The following CSMD1 variants were observed in gnomAD, a reference collection of about 807,000 sequenced individuals.
CSMD1 encodes CUB and Sushi multiple domains 1, also known as CUB and sushi domain-containing protein 1.
In CSMD1, 213 loss-of-function variants were observed where a neutral mutation model predicts 417.5. The observed-to-expected ratio is 0.51, with a 90% confidence interval of 0.46 to 0.57. CSMD1 has a LOEUF of 0.57. Ranked by LOEUF, CSMD1 falls within the 20% of genes least tolerant of loss-of-function variation. The pLI is 0.00. For synonymous variants in CSMD1, 2,862 were observed against 1,736.8 expected, an observed-to-expected ratio of 1.65 and a Z score of -16.11; for missense variants, 6,923 against 4,529.7, an observed-to-expected ratio of 1.53 and a Z score of -15.17.
chr8:3,871,529 G>C (rs375660840), intron 5 of CSMD1, among the ~76,000 whole-genome samples: 3 of 152,110 alleles, frequency 2.0e-5, no homozygotes, highest in East Asian at 3.9e-4. Flanking sequence ...AATAATGCTT[G>C]ATTTTAATTT....
Position 2,957,889 on chromosome 8 carries a change from C to T in CSMD1, c.9703-82G>A, listed in dbSNP as rs1803133484. On this transcript the variant is annotated intron_variant, in intron 62 of 69. Coordinates refer to ENST00000635120, the MANE Select transcript of CSMD1 (RefSeq NM_033225.6). ...CTAGTGATACCTGAAAGTACACGCCCGAGTAAAAGTACAGCAGCAACTTTT... is the reference window on the plus strand; with the variant it reads ...CTAGTGATACCTGAAAGTACACGCCTGAGTAAAAGTACAGCAGCAACTTTT... The T allele has an allele frequency of 6.4e-6, 6 of 934,198 alleles. 1 individual carries two copies. The highest frequency in any genetic ancestry group is 4.4e-5 in the South Asian group (3 of 68,202). 57.9% of individuals were successfully genotyped at this position (934,198 alleles called of 1,614,324 possible).
chr8:4,112,476 C>T lies in CSMD1; in HGVS notation c.416-80377G>A, dbSNP rs184846341. On this transcript the variant is annotated intron_variant, in intron 3 of 69. Coordinates refer to ENST00000635120, the MANE Select transcript of CSMD1 (RefSeq NM_033225.6). ...CATTCTCCCCTGGTTCTTCCACCCTCCTGCCAATGGAGTGACCCATCCTGA... is the reference window on the plus strand; with the variant it reads ...CATTCTCCCCTGGTTCTTCCACCCTTCTGCCAATGGAGTGACCCATCCTGA... 1.9e-3 allele frequency among the ~76,000 whole-genome samples: 285 copies of T among 152,302 alleles called. 1 individual carries two copies. Among genetic ancestry groups the T allele is most frequent in the African/African-American group, 6.6e-3 (273 of 41,552 alleles).
intron 5 of CSMD1, among the ~76,000 whole-genome samples, chr8:3,776,342 A>C (rs2129061109): frequency 6.6e-6 from 1 of 152,014 alleles, no homozygotes; most frequent in Non-Finnish European, 1.5e-5. Flanking sequence ...TTGAAGCGAC[A>C]CTCTCCAGGG....
intron 2 of CSMD1, among the ~76,000 whole-genome samples, chr8:4,519,834 C>G (rs1803338938): frequency 7.2e-6 from 1 of 139,264 alleles, no homozygotes; most frequent in Non-Finnish European, 1.5e-5. Flanking sequence ...TATGGCTGAG[C>G]TAGATCTTAT....
chr8:4,329,749 T>C (rs528352465), intron 3 of CSMD1, among the ~76,000 whole-genome samples: 1 of 152,226 alleles, frequency 6.6e-6, no homozygotes, highest in Non-Finnish European at 1.5e-5. Flanking sequence ...AGCAGATTCC[T>C]CAAGAATGGC....
chr8:4,351,117 G>A lies in CSMD1; in HGVS notation c.415+68836C>T, dbSNP rs577549859. 5.9e-5 allele frequency among the ~76,000 whole-genome samples: 9 copies of A among 151,500 alleles called. No homozygotes were observed. The South Asian group carries it at 6.3e-4, about 11-fold the overall frequency. ...GAGGATCGCCTGAGCCCAGGGGTTC[G>A]AGACCAGTCCGGGCAACATAGCAAG... On this transcript the variant is annotated intron_variant, in intron 3 of 69. Transcript: ENST00000635120.
rs539476079 is a variant in CSMD1, at chr8:4,416,461, A to G, written c.415+3492T>C. Among the ~76,000 whole-genome samples the G allele has an allele frequency of 1.5e-4, 22 of 151,234 alleles. No homozygotes were observed. The East Asian group carries it at 4.2e-3, about 29-fold the overall frequency. On this transcript the variant is annotated intron_variant, in intron 3 of 69. Coordinates refer to ENST00000635120, the MANE Select transcript of CSMD1 (RefSeq NM_033225.6). The stretch of plus-strand genomic sequence containing the variant: ...AAACATTTGAAATTATATTCATAAT[A>G]AACACGTGCATTAAAATTGATATTT...
Position 3,327,674 on chromosome 8 carries a change from C to G in CSMD1, c.3631+15620G>C, listed in dbSNP as rs80300827. On this transcript the variant is annotated intron_variant, in intron 23 of 69. Transcript: ENST00000635120. Reference sequence around the variant, plus strand: ...ACCACTCATTTTGGGGGAATAGAACCGAAGAAATGAGCACATACAGATTAC... The same window carrying G: ...ACCACTCATTTTGGGGGAATAGAACGGAAGAAATGAGCACATACAGATTAC... Among the ~76,000 whole-genome samples the G allele has an allele frequency of 5.5e-3, 837 of 152,002 alleles. 8 individuals are homozygous for G. Among genetic ancestry groups the G allele is most frequent in the Non-Finnish European group, 9.6e-3 (653 of 67,976 alleles).
intron 19 of CSMD1, 32 bp downstream of exon 19, chr8:3,369,222 C>G (rs1043296396): frequency 9.6e-7 from 1 of 1,043,060 alleles, no homozygotes; most frequent in African/African-American, 1.6e-5. Context: ...ATTTATTAGT[C>G]TGTATGTTTG....
chr8:3,808,248 G>A (rs564797681), intron 5 of CSMD1, among the ~76,000 whole-genome samples: 2 of 152,126 alleles, frequency 1.3e-5, no homozygotes, highest in Non-Finnish European at 2.9e-5. Context: ...AATTCACTAA[G>A]TAGTCACATT....
intron 3 of CSMD1, among the ~76,000 whole-genome samples, chr8:4,032,362 A>C (rs913048665): frequency 7.2e-5 from 11 of 152,336 alleles, no homozygotes; most frequent in African/African-American, 2.2e-4. Flanking sequence ...GCTTTTATTC[A>C]GTGTTCCAGA....
intron 6 of CSMD1, among the ~76,000 whole-genome samples, chr8:3,749,264 T>C (rs929744859): frequency 6.6e-6 from 1 of 152,216 alleles, no homozygotes; most frequent in Non-Finnish European, 1.5e-5. Context: ...GCATAAATCT[T>C]ACATTCAACC....
At chr8:4,725,252 C>T (rs1809350211) in intron 1 of CSMD1, among the ~76,000 whole-genome samples, 1 of 152,076 alleles carries the variant, frequency 6.6e-6, no homozygotes, top group Admixed American at 6.6e-5. Flanking sequence ...AGCAAAGTAT[C>T]GAACTTCATT....
intron 18 of CSMD1, among the ~76,000 whole-genome samples, chr8:3,381,286 C>G (rs1810612180): frequency 6.6e-6 from 1 of 151,870 alleles, no homozygotes; most frequent in Non-Finnish European, 1.5e-5. Context: ...AAAAAGAGAG[C>G]AGCTTACACA....
At chr8:4,326,149 A>G (rs1181114800) in intron 3 of CSMD1, among the ~76,000 whole-genome samples, 2 of 152,112 alleles carry the variant, frequency 1.3e-5, no homozygotes, top group Non-Finnish European at 2.9e-5. Flanking sequence ...TTCAGTTTAG[A>G]GTTGTGCCAG....
chr8:4,263,498 C>T (rs1277672626), intron 3 of CSMD1, among the ~76,000 whole-genome samples: 2 of 152,214 alleles, frequency 1.3e-5, no homozygotes, highest in Non-Finnish European at 2.9e-5. Flanking sequence ...GAAGCTCTGT[C>T]TGTGGCAGTT....
At chr8:4,788,258 T>C (rs1252619089) in intron 1 of CSMD1, 46 of 1,585,650 alleles carry the variant, frequency 2.9e-5, no homozygotes, top group Non-Finnish European at 3.9e-5. Flanking sequence ...AAGCTGAGTA[T>C]GAAAGGGATG....
intron 3 of CSMD1, among the ~76,000 whole-genome samples, chr8:4,368,926 A>G (rs1249566604): frequency 6.6e-6 from 1 of 151,964 alleles, no homozygotes; most frequent in Non-Finnish European, 1.5e-5. Flanking sequence ...TTGATCTCTT[A>G]TATGGATTTT....
At position 3,073,203 on chromosome 8, in the gene CSMD1, T is replaced by A. The variant is rs73494489; in HGVS notation, c.7474+13894A>T. ...GATATGAAAACATATTATTGTTATT[T>A]CAATTAAAGCACTATGGACTTGGCA... is the stretch of plus-strand genomic sequence containing the variant. On this transcript the variant is annotated intron_variant, in intron 49 of 69. Coordinates refer to ENST00000635120, the MANE Select transcript of CSMD1 (RefSeq NM_033225.6). Among the ~76,000 whole-genome samples, 910 of 152,300 alleles carry A rather than the reference T, an allele frequency of 6.0e-3. 7 individuals are homozygous for A. The highest frequency in any genetic ancestry group is 0.02 in the African/African-American group (850 of 41,562).
Sources: allele counts gnomAD v4.1 joint callset (sites outside exome capture counted in the v4.1 genomes callset), GRCh38; gene constraint gnomAD v4.1.1; transcripts MANE v1.5; gene names NCBI Gene and HGNC (gene_info 2026-07-23, HGNC 2026-07-21).